RSPO2: variants seen among roughly 807,000 people sequenced by gnomAD.
RSPO2 encodes R-spondin-2.
In RSPO2, 14 loss-of-function variants were observed where a neutral mutation model predicts 30.9. That is an observed-to-expected ratio of 0.45 (90% CI 0.30 to 0.71). RSPO2 has a LOEUF of 0.71. Among genes scored for constraint, RSPO2 ranks in the 30% least tolerant of loss-of-function variants. RSPO2 has a pLI of 0.08. For synonymous variants in RSPO2, 107 were observed against 96.4 expected, an observed-to-expected ratio of 1.11 and a Z score of -0.64; for missense variants, 264 against 301.9, an observed-to-expected ratio of 0.87 and a Z score of 0.93.
intron 2 of RSPO2, among the ~76,000 whole-genome samples, chr8:108,021,948 G>T (rs1475655752): frequency 6.6e-6 from 1 of 152,006 alleles, no homozygotes; most frequent in Non-Finnish European, 1.5e-5. Flanking sequence ...ATAAAAAAAA[G>T]AAAGAAAAAA....
intron 2 of RSPO2, among the ~76,000 whole-genome samples, chr8:108,051,083 T>C (rs1812064866): frequency 6.6e-6 from 1 of 152,170 alleles, no homozygotes; most frequent in Non-Finnish European, 1.5e-5. Context: ...CTTTAAGCAA[T>C]GAGCAAAATC....
intron 5 of RSPO2, among the ~76,000 whole-genome samples, chr8:107,948,638 T>A (rs902544901): frequency 3.9e-5 from 6 of 152,072 alleles, no homozygotes; most frequent in African/African-American, 1.4e-4. Context: ...GGCAGGCAGA[T>A]CACAAGGTCA....
At chr8:107,999,852 GC>G (rs1815171685) in intron 2 of RSPO2, among the ~76,000 whole-genome samples, 1 of 151,880 alleles carries the variant, frequency 6.6e-6, no homozygotes, top group Non-Finnish European at 1.5e-5. Flanking sequence ...AGAACTATTA[GC>G]CCTTAAATAC....
chr8:107,901,764 C>T (rs1353804998), intron 5 of RSPO2, among the ~76,000 whole-genome samples: 1 of 152,202 alleles, frequency 6.6e-6, no homozygotes, highest in African/African-American at 2.4e-5. Context: ...TACCTTATGG[C>T]TTCTTATCCA....
chr8:107,914,392 G>A (rs1811913216), intron 5 of RSPO2, among the ~76,000 whole-genome samples: 2 of 151,684 alleles, frequency 1.3e-5, no homozygotes, highest in African/African-American at 4.8e-5. Context: ...ATAATCATAG[G>A]TACTTTGAGA....
chr8:108,063,158 A>T (rs781058482), intron 2 of RSPO2, among the ~76,000 whole-genome samples: 2 of 151,744 alleles, frequency 1.3e-5, no homozygotes, highest in African/African-American at 4.9e-5. Context: ...TCCTATTCAA[A>T]ATAGTGTTGG....
chr8:108,075,193 G>A (rs1420876228), intron 2 of RSPO2, among the ~76,000 whole-genome samples: 1 of 151,952 alleles, frequency 6.6e-6, no homozygotes, highest in Non-Finnish European at 1.5e-5. Flanking sequence ...TAAAATATGG[G>A]TTACCAGCCG....
intron 2 of RSPO2, among the ~76,000 whole-genome samples, chr8:108,051,477 A>G (rs1812078028): frequency 6.6e-6 from 1 of 152,118 alleles, no homozygotes; most frequent in Non-Finnish European, 1.5e-5. Context: ...CAAATCATCT[A>G]AAAGAAATGT....
chr8:108,058,448 T>C (rs62535507), intron 2 of RSPO2, among the ~76,000 whole-genome samples: 40 of 152,242 alleles, frequency 2.6e-4, no homozygotes, highest in Non-Finnish European at 3.8e-4. Flanking sequence ...GATTCAATGC[T>C]ATCCCATCAA....
chr8:108,003,890 C>A (rs1452152835), intron 2 of RSPO2, among the ~76,000 whole-genome samples: 1 of 152,086 alleles, frequency 6.6e-6, no homozygotes, highest in African/African-American at 2.4e-5. Context: ...TGTTTATTTC[C>A]TGTTAAACAA....
At chr8:108,056,109 G>C (rs1019097534) in intron 2 of RSPO2, among the ~76,000 whole-genome samples, 1 of 152,160 alleles carries the variant, frequency 6.6e-6, no homozygotes, top group Non-Finnish European at 1.5e-5. Context: ...CTTGCCTGCA[G>C]AGATTATGTA....
intron 5 of RSPO2, among the ~76,000 whole-genome samples, chr8:107,929,314 G>A (rs1047091948): frequency 1.3e-5 from 2 of 152,210 alleles, no homozygotes; most frequent in African/African-American, 4.8e-5. Flanking sequence ...GAAAACAAAT[G>A]TGTAGAGGAG....
At chr8:107,995,033 T>TA (rs1042573157) in intron 2 of RSPO2, among the ~76,000 whole-genome samples, 1 of 152,146 alleles carries the variant, frequency 6.6e-6, no homozygotes, top group African/African-American at 2.4e-5. Flanking sequence ...AACCAGGGCT[T>TA]ATTCTACCAA....
chr8:107,906,719 A>G (rs1411683554), intron 5 of RSPO2, among the ~76,000 whole-genome samples: 1 of 152,008 alleles, frequency 6.6e-6, no homozygotes, highest in African/African-American at 2.4e-5. Context: ...CTACCACACT[A>G]TGTCCTATGT....
chr8:108,002,894 C>T lies in RSPO2; in HGVS notation c.95-13650G>A, dbSNP rs190495159. ...CCTTAATAAAAAGCATATTAACAGA[C>T]ACCTAAAGTTGACAAATGTTATTAT... On this transcript the variant is annotated intron_variant, in intron 2 of 5. Coordinates refer to ENST00000276659, the MANE Select transcript of RSPO2 (RefSeq NM_178565.5). Among the ~76,000 whole-genome samples the T allele has an allele frequency of 1.1e-3, 162 of 152,142 alleles. 4 individuals are homozygous for T. In the East Asian group the frequency reaches 0.023, roughly 21 times the overall value.
intron 2 of RSPO2, among the ~76,000 whole-genome samples, chr8:108,061,061 T>C (rs919691185): frequency 6.6e-6 from 1 of 151,746 alleles, no homozygotes; most frequent in African/African-American, 2.4e-5. Flanking sequence ...GAATAACCAG[T>C]ACCAGCCACT....
At chr8:107,976,720 G>A (rs1413482380) in intron 3 of RSPO2, among the ~76,000 whole-genome samples, 1 of 152,186 alleles carries the variant, frequency 6.6e-6, no homozygotes, top group African/African-American at 2.4e-5. Flanking sequence ...GAAGCCAGTT[G>A]TGGACTGAGC....
At chr8:107,980,764 C>T (rs1303545447) in intron 3 of RSPO2, among the ~76,000 whole-genome samples, 1 of 152,144 alleles carries the variant, frequency 6.6e-6, no homozygotes, top group Non-Finnish European at 1.5e-5. Context: ...GGGAAGGATA[C>T]ACCTGAGCCC....
intron 2 of RSPO2, among the ~76,000 whole-genome samples, chr8:108,042,565 T>C (rs1370965806): frequency 1.3e-5 from 2 of 152,034 alleles, no homozygotes; most frequent in African/African-American, 4.8e-5. Context: ...GGCAATAAGA[T>C]GGATGAACTA....
Sources: gnomAD v4.1 joint callset for allele counts (sites outside exome capture counted in the v4.1 genomes callset) on GRCh38, gnomAD v4.1.1 for gene constraint, MANE v1.5 for transcripts, NCBI Gene and HGNC (gene_info 2026-07-23, HGNC 2026-07-21) for gene names.